SAMD12: variants seen among roughly 807,000 people sequenced by gnomAD.
The protein encoded by SAMD12 is sterile alpha motif domain-containing protein 12.
In SAMD12, 9 loss-of-function variants were observed where a neutral mutation model predicts 15.0. That is an observed-to-expected ratio of 0.60 (90% CI 0.36 to 1.05). SAMD12 has a LOEUF of 1.05. Among genes scored for constraint, SAMD12 ranks in the 50% least tolerant of loss-of-function variants. SAMD12 has a pLI of 0.01. For missense variants in SAMD12, 230 were observed against 234.2 expected (o/e 0.98, Z 0.12); for synonymous variants, 86 against 90.1 (o/e 0.96, Z 0.25).
At chr8:118,380,008 TG>T (rs1470971818) in intron 3 of SAMD12, among the ~76,000 whole-genome samples, 2 of 152,278 alleles carry the variant, frequency 1.3e-5, no homozygotes. Flanking sequence ...CCTGGATATT[TG>T]GGTCACAAAT....
intron 4 of SAMD12, among the ~76,000 whole-genome samples, chr8:118,215,176 A>G (rs1811930700): frequency 6.6e-6 from 1 of 152,228 alleles, no homozygotes; most frequent in East Asian, 1.9e-4. Context: ...TAGCCCCTGT[A>G]GGACAAATCC....
At chr8:118,375,954 T>G (rs1163241538), downstream of SAMD12, 4 of 152,206 alleles carry the variant, frequency 2.6e-5, no homozygotes, top group Non-Finnish European at 2.9e-5. Flanking sequence ...TACATTGTTC[T>G]GCACCTTACT....
intron 4 of SAMD12, among the ~76,000 whole-genome samples, chr8:118,221,500 C>T (rs10098984): frequency 0.3 from 45,661 of 151,328 alleles, 7,169 homozygotes; most frequent in African/African-American, 0.39. Context: ...TCTGGAATGG[C>T]AAGAAGTAAA....
intron 4 of SAMD12, among the ~76,000 whole-genome samples, chr8:118,293,696 A>G (rs1228677897): frequency 6.6e-6 from 1 of 152,162 alleles, no homozygotes; most frequent in Non-Finnish European, 1.5e-5. Context: ...CAAAATGCCA[A>G]TACCCCCAAT....
At chr8:118,549,100 G>A (rs1826235509) in intron 2 of SAMD12, among the ~76,000 whole-genome samples, 2 of 152,238 alleles carry the variant, frequency 1.3e-5, no homozygotes, top group African/African-American at 4.8e-5. Context: ...CTGGGGGCAG[G>A]GCACAGACAA....
the SAMD12 span, among the ~76,000 whole-genome samples, chr8:118,134,119 G>A: frequency 9.8e-5 from 15 of 152,342 alleles, no homozygotes; most frequent in South Asian, 2.9e-3. Flanking sequence ...ACTTTTGGTG[G>A]AGGGAAAGAT....
At chr8:118,558,306 G>A (rs1826601780) in intron 2 of SAMD12, among the ~76,000 whole-genome samples, 1 of 151,958 alleles carries the variant, frequency 6.6e-6, no homozygotes, top group African/African-American at 2.4e-5. Context: ...GTCTACCTAG[G>A]TCTCAAATAC....
At chr8:118,238,753 C>T (rs978129037) in intron 4 of SAMD12, among the ~76,000 whole-genome samples, 1 of 152,052 alleles carries the variant, frequency 6.6e-6, no homozygotes, top group East Asian at 1.9e-4. Context: ...TTACTTTTGT[C>T]CTTTTAGAAA....
At chr8:118,586,232 T>C (rs942249846) in intron 1 of SAMD12, among the ~76,000 whole-genome samples, 1 of 152,194 alleles carries the variant, frequency 6.6e-6, no homozygotes, top group African/African-American at 2.4e-5. Flanking sequence ...TTTGCATAGA[T>C]AACTGCTTCA....
the SAMD12 span, among the ~76,000 whole-genome samples, chr8:118,178,323 GGAAATGCATGCAA>G: frequency 6.6e-6 from 1 of 152,098 alleles, no homozygotes; most frequent in Non-Finnish European, 1.5e-5. Flanking sequence ...ACACACTTAT[GGAAATGCATGCAA>G]GAAACATCTG....
chr8:118,543,604 A>ATT (rs146363162), intron 2 of SAMD12, among the ~76,000 whole-genome samples: 6 of 140,624 alleles, frequency 4.3e-5, no homozygotes, highest in Non-Finnish European at 4.6e-5. Context: ...ACATTATGAG[A>ATT]TTTTTTTTTC....
intron 4 of SAMD12, among the ~76,000 whole-genome samples, chr8:118,215,564 C>T (rs563942367): frequency 5.3e-5 from 8 of 152,178 alleles, no homozygotes; most frequent in Non-Finnish European, 1.0e-4. Flanking sequence ...GCTGGACCCA[C>T]TAACTCGTCA....
chr8:118,499,589 C>G (rs145660190), intron 2 of SAMD12, among the ~76,000 whole-genome samples: 1 of 152,280 alleles, frequency 6.6e-6, no homozygotes, highest in Non-Finnish European at 1.5e-5. Context: ...TTTTACATTT[C>G]TAGAACATAT....
chr8:118,564,997 G>A (rs1826807485), intron 2 of SAMD12, among the ~76,000 whole-genome samples: 1 of 152,128 alleles, frequency 6.6e-6, no homozygotes, highest in Admixed American at 6.5e-5. Flanking sequence ...TTCTCTCACA[G>A]GCCACTATCT....
intron 2 of SAMD12, among the ~76,000 whole-genome samples, chr8:118,516,909 G>T (rs1352496784): frequency 6.6e-6 from 1 of 152,178 alleles, no homozygotes; most frequent in Middle Eastern, 3.2e-3. Context: ...AAAGTGCTGG[G>T]ATTACAGGCG....
Position 118,378,282 on chromosome 8 carries a change from G to T in SAMD12, c.*1135C>A. 1.7e-6 allele frequency: 1 copy of T among 586,716 alleles called. No homozygotes were observed. Among genetic ancestry groups the T allele is most frequent in the Non-Finnish European group, 2.1e-6 (1 of 466,362 alleles). 36.3% of individuals were successfully genotyped at this position (586,716 alleles called of 1,614,324 possible). A position where few individuals can be genotyped will look rare whatever the true frequency, so the allele number is the denominator to read the frequency against. ...CCTCTAGGTTGCTTGTAAATTTTCCGTTTTCCAAATAGCACTGTGACAGAC... is the reference window on the plus strand; with the variant it reads ...CCTCTAGGTTGCTTGTAAATTTTCCTTTTTCCAAATAGCACTGTGACAGAC... On this transcript the variant is annotated 3_prime_UTR_variant, in exon 4 of 4. Transcript: ENST00000314727.
At chr8:118,336,617 G>C (rs1310083715) in intron 4 of SAMD12, among the ~76,000 whole-genome samples, 1 of 152,106 alleles carries the variant, frequency 6.6e-6, no homozygotes, top group Non-Finnish European at 1.5e-5. Flanking sequence ...CACAGTGGTT[G>C]AACTAGTTTA....
intron 2 of SAMD12, among the ~76,000 whole-genome samples, chr8:118,499,787 T>G (rs527393601): frequency 1.1e-4 from 17 of 152,172 alleles, no homozygotes; most frequent in African/African-American, 3.6e-4. Context: ...CAAGGATCTC[T>G]TCCCTTGAGT....
the SAMD12 span, among the ~76,000 whole-genome samples, chr8:118,159,361 A>G: frequency 0.73 from 110,952 of 152,152 alleles, 42,029 homozygotes; most frequent in Non-Finnish European, 0.84. Flanking sequence ...CACAGCCAGC[A>G]TGCCTGGCTG....
Sources: allele counts gnomAD v4.1 joint callset (sites outside exome capture counted in the v4.1 genomes callset), GRCh38; gene constraint gnomAD v4.1.1; transcripts MANE v1.5; gene names NCBI Gene and HGNC (gene_info 2026-07-23, HGNC 2026-07-21).